Variants in LINGO2 observed in about 807,000 individuals in gnomAD.
LINGO2 encodes the protein leucine rich repeat and Ig domain containing 2, also known as leucine-rich repeat and immunoglobulin-like domain-containing nogo receptor-interacting protein 2.
LINGO2 carries 14 observed loss-of-function variants against 30.6 expected under a neutral mutation model. The observed-to-expected ratio is 0.46, with a 90% CI of 0.30 to 0.72. LINGO2 has a LOEUF of 0.72. Ranked by LOEUF, LINGO2 falls within the 30% of genes least tolerant of loss-of-function variation. LINGO2 has a pLI of 0.07. For missense variants in LINGO2, 729 were observed against 751.7 expected, an observed-to-expected ratio of 0.97 and a Z score of 0.35; for synonymous variants, 317 against 288.5, an observed-to-expected ratio of 1.10 and a Z score of -1.00.
chr9:28,094,746 A>G (rs1826196002), intron 4 of LINGO2, among the ~76,000 whole-genome samples: 1 of 152,108 alleles, frequency 6.6e-6, no homozygotes, highest in Non-Finnish European at 1.5e-5. Flanking sequence ...ACAACATTTG[A>G]GATGAAATCA....
chr9:28,237,125 G>GC (rs139724262), intron 4 of LINGO2, among the ~76,000 whole-genome samples: 1 of 137,046 alleles, frequency 7.3e-6, no homozygotes, highest in Admixed American at 7.3e-5. Flanking sequence ...TGCGGGGGGG[G>GC]GGTAAAGTTA....
the LINGO2 span, among the ~76,000 whole-genome samples, chr9:29,200,327 T>C: frequency 4.6e-5 from 7 of 152,214 alleles, no homozygotes; most frequent in Non-Finnish European, 1.0e-4. Flanking sequence ...TAACCCCTTA[T>C]AGTATCAGAA....
intron 1 of LINGO2, among the ~76,000 whole-genome samples, chr9:28,492,257 T>C (rs1017121801): frequency 1.3e-5 from 2 of 152,194 alleles, no homozygotes; most frequent in Non-Finnish European, 2.9e-5. Context: ...CTGATCAATT[T>C]GTCTAAACTA....
intron 1 of LINGO2, among the ~76,000 whole-genome samples, chr9:28,505,799 GT>G (rs1372657426): frequency 6.6e-6 from 1 of 151,796 alleles, no homozygotes; most frequent in African/African-American, 2.4e-5. Flanking sequence ...TCAACACATT[GT>G]TATCTCTATT....
the LINGO2 span, among the ~76,000 whole-genome samples, chr9:29,192,033 G>A: frequency 1.3e-5 from 2 of 151,560 alleles, no homozygotes; most frequent in East Asian, 3.9e-4. Flanking sequence ...GTTATGTAGG[G>A]GATTACCTAA....
chr9:28,308,219 G>T (rs1587436767), intron 3 of LINGO2, among the ~76,000 whole-genome samples: 9 of 127,992 alleles, frequency 7.0e-5, no homozygotes, highest in Non-Finnish European at 9.1e-5. Flanking sequence ...CATGGTACTG[G>T]TACCAAAACA....
chr9:28,855,811 G>A, the LINGO2 span, among the ~76,000 whole-genome samples: 2 of 152,010 alleles, frequency 1.3e-5, no homozygotes, highest in East Asian at 1.9e-4. Flanking sequence ...GTCCCAGACC[G>A]GTTAAGGCAA....
intron 2 of LINGO2, among the ~76,000 whole-genome samples, chr9:28,428,472 A>G (rs1296886258): frequency 6.6e-6 from 1 of 152,168 alleles, no homozygotes; most frequent in Non-Finnish European, 1.5e-5. Context: ...GGTTATTTTC[A>G]TGTCTAATCA....
chr9:28,267,902 A>G (rs770130721), intron 4 of LINGO2, among the ~76,000 whole-genome samples: 1 of 152,030 alleles, frequency 6.6e-6, no homozygotes, highest in Non-Finnish European at 1.5e-5. Context: ...AAAGCTACAT[A>G]TTAATCTCTC....
At chr9:28,719,583 C>G in the LINGO2 span, among the ~76,000 whole-genome samples, 204 of 152,096 alleles carry the variant, frequency 1.3e-3, 1 homozygote, top group East Asian at 0.01. Flanking sequence ...TCATTTGACC[C>G]TATCTTACTG....
the LINGO2 span, among the ~76,000 whole-genome samples, chr9:28,940,384 T>C: frequency 3.3e-5 from 5 of 152,176 alleles, no homozygotes; most frequent in African/African-American, 1.2e-4. Flanking sequence ...AGAAGACACA[T>C]ATTGAAAATA....
At chr9:28,750,742 A>G in the LINGO2 span, among the ~76,000 whole-genome samples, 2 of 151,984 alleles carry the variant, frequency 1.3e-5, no homozygotes, top group Non-Finnish European at 2.9e-5. Context: ...ACCGCATATA[A>G]CTCTTGTTTG....
chr9:28,947,597 C>T, the LINGO2 span, among the ~76,000 whole-genome samples: 1 of 151,914 alleles, frequency 6.6e-6, no homozygotes, highest in South Asian at 2.1e-4. Flanking sequence ...AAATAATAGA[C>T]TTTTTGTTGA....
the LINGO2 span, among the ~76,000 whole-genome samples, chr9:29,142,967 A>C: frequency 1.3e-5 from 2 of 152,032 alleles, no homozygotes; most frequent in Non-Finnish European, 2.9e-5. Context: ...ATACAAATTA[A>C]CATTAAAAAA....
chr9:28,722,811 G>C, the LINGO2 span, among the ~76,000 whole-genome samples: 7 of 152,236 alleles, frequency 4.6e-5, no homozygotes, highest in East Asian at 1.4e-3. Context: ...GGACTTTGCT[G>C]TTTGCCAGCC....
chr9:29,045,601 C>T, the LINGO2 span, among the ~76,000 whole-genome samples: 3 of 149,668 alleles, frequency 2.0e-5, no homozygotes, highest in East Asian at 1.9e-4. Flanking sequence ...AAAAAACCCT[C>T]GAAAACTGGG....
At chr9:28,897,129 G>T in the LINGO2 span, among the ~76,000 whole-genome samples, 3 of 152,148 alleles carry the variant, frequency 2.0e-5, no homozygotes, top group African/African-American at 7.2e-5. Context: ...TTACTACATA[G>T]TTTGGTCTAC....
chr9:28,899,383 A>G, the LINGO2 span, among the ~76,000 whole-genome samples: 32 of 152,154 alleles, frequency 2.1e-4, no homozygotes, highest in African/African-American at 7.2e-4. Flanking sequence ...CAATCCCCAT[A>G]AACTCTGGCA....
chr9:28,093,364 T>C (rs1409047453), intron 4 of LINGO2, among the ~76,000 whole-genome samples: 3 of 152,020 alleles, frequency 2.0e-5, no homozygotes, highest in Admixed American at 6.6e-5. Context: ...GTTCTGATAA[T>C]GACAAAGATG....
Sources: gnomAD v4.1 joint callset for allele counts (sites outside exome capture counted in the v4.1 genomes callset) on GRCh38, gnomAD v4.1.1 for gene constraint, MANE v1.5 for transcripts, NCBI Gene and HGNC (gene_info 2026-07-23, HGNC 2026-07-21) for gene names.